Variants in DNMT1 observed in about 807,000 individuals in gnomAD.
DNMT1 encodes DNA methyltransferase 1, also known as DNA (cytosine-5)-methyltransferase 1.
A neutral mutation model predicts 205.3 loss-of-function variants in DNMT1; 24 were observed. That is an observed-to-expected ratio of 0.12 (90% CI 0.08 to 0.16). The LOEUF is 0.16. Among genes scored for constraint, DNMT1 ranks in the 10% least tolerant of loss-of-function variants. DNMT1 has a pLI of 1.00. For synonymous variants in DNMT1, 817 were observed against 839.8 expected (o/e 0.97, Z 0.47); for missense variants, 1,293 against 2,177.7 (o/e 0.59, Z 8.09).
Position 10,138,138 on chromosome 19 carries a change from G to A in DNMT1, c.4116-129C>T. 2.4e-6 allele frequency: 3 copies of A among 1,227,086 alleles called. No homozygotes were observed. The highest frequency in any genetic ancestry group is 2.3e-6 in the Non-Finnish European group (2 of 867,870). 76.0% of individuals were successfully genotyped at this position (1,227,086 alleles called of 1,614,324 possible). ...CACAGCACTGCCCGAGGTCACATGG[G>A]TGGCAGTGTGCCTGGATGCCATCTG... On this transcript the variant is annotated intron_variant, in intron 35 of 40. Coordinates refer to ENST00000359526, the MANE Select transcript of DNMT1 (RefSeq NM_001130823.3). The surrounding 1 kb of genome is among the most constrained non-coding windows in gnomAD (Gnocchi z 4.1).
intron 2 of DNMT1, among the ~76,000 whole-genome samples, chr19:10,181,365 C>G (rs1421053151): frequency 2.0e-5 from 3 of 150,880 alleles, no homozygotes; most frequent in Non-Finnish European, 4.4e-5. Context: ...GGGAAAATCA[C>G]TTGAGCCTGG....
intron 1 of DNMT1, among the ~76,000 whole-genome samples, chr19:10,185,161 C>T (rs1197543636): frequency 6.6e-6 from 1 of 152,150 alleles, no homozygotes; most frequent in African/African-American, 2.4e-5. Context: ...CACGGTGGCT[C>T]ACGCCTGTAA....
At position 10,138,442 on chromosome 19, in the gene DNMT1, G is replaced by T. The variant is rs2089535931; in HGVS notation, c.4112C>A (p.Thr1371Asn). 1 of 1,613,986 alleles carries T rather than the reference G, an allele frequency of 6.2e-7. No individual in the cohort carries two copies. The highest frequency in any genetic ancestry group is 1.1e-5 in the South Asian group (1 of 91,092). Residue 1371 changes from threonine (T) to asparagine (N), a missense_variant, in exon 35 of 41, where the codon ACC (threonine) becomes AAC (asparagine). Thr to Asn is a moderately conservative substitution (Grantham distance 65, BLOSUM62 0). This residue lies in a region of DNMT1 where 148 missense variants were observed against 256.1 expected (regional missense o/e 0.58). Coordinates refer to ENST00000359526, the MANE Select transcript of DNMT1 (RefSeq NM_001130823.3). This position sits in a 1 kb window ranked among gnomAD's most constrained non-coding sequence, Gnocchi z 4.1. ...VDDKKFVSNI[T>N]RLSSGPFRTI... ...AGGAGCGACGGGGGCCACCTACCTG[G>T]TTATGTTGCTCACAAACTTCTTGTC...
chr19:10,164,718 A>T (rs1465098699), intron 11 of DNMT1, among the ~76,000 whole-genome samples: 1 of 151,820 alleles, frequency 6.6e-6, no homozygotes, highest in Non-Finnish European at 1.5e-5. Flanking sequence ...GTTTGAGATC[A>T]GGAGTTAGAG....
chr19:10,158,039 G>A (rs1021116105), intron 17 of DNMT1, among the ~76,000 whole-genome samples: 10 of 152,204 alleles, frequency 6.6e-5, no homozygotes, highest in African/African-American at 2.4e-4. Context: ...GAAGGCATGT[G>A]ACTTCTGGAA....
chr19:10,139,416 T>C (rs1021406725), intron 34 of DNMT1, among the ~76,000 whole-genome samples: 4 of 152,208 alleles, frequency 2.6e-5, no homozygotes, highest in African/African-American at 9.6e-5. Context: ...AGGAGCTGCA[T>C]GGCGAGAAGC....
At chr19:10,174,596 A>G (rs911068861) in intron 7 of DNMT1, among the ~76,000 whole-genome samples, 1 of 151,926 alleles carries the variant, frequency 6.6e-6, no homozygotes, top group Non-Finnish European at 1.5e-5. Flanking sequence ...AGTCTCAGCT[A>G]CTCAGGAAGC....
intron 27 of DNMT1, 34 bp downstream of exon 27, chr19:10,148,850 G>T (rs764958436): frequency 6.2e-7 from 1 of 1,613,872 alleles, no homozygotes; most frequent in Non-Finnish European, 8.5e-7. Context: ...GGCTGAAAGT[G>T]CCTGCTGACC....
rs373861581 is a variant in DNMT1, at chr19:10,162,730, G to A, written c.945C>T (p.Pro315=). Residue 315 remains proline (P), a synonymous_variant, in exon 13 of 41, where the codon CCC becomes CCT. Transcript: ENST00000359526. The part of the protein sequence containing the change: ...QPKDLAAKRR[P]EEKEPEKVNP... ...TTACTTTTTCAGGTTCTTTTTCTTC[G>A]GGCCTCCGTTTGGCAGCTCTGCAGG... is the stretch of plus-strand genomic sequence containing the variant. 9.3e-6 allele frequency: 15 copies of A among 1,613,062 alleles called. No individual in the cohort carries two copies. The highest frequency in any genetic ancestry group is 3.3e-4 in the Middle Eastern group (2 of 6,080).
At chr19:10,155,189 T>C (rs1021958525) in intron 19 of DNMT1, 133 bp from the exon 20 acceptor site, 21 of 1,238,566 alleles carry the variant, frequency 1.7e-5, no homozygotes, top group South Asian at 2.8e-5. Flanking sequence ...GTCAGAAACA[T>C]AGGGCACAAC....
intron 5 of DNMT1, among the ~76,000 whole-genome samples, chr19:10,179,010 T>A (rs2038988636): frequency 6.7e-6 from 1 of 149,174 alleles, no homozygotes; most frequent in Non-Finnish European, 1.5e-5. Flanking sequence ...GCGCCTGTAG[T>A]CCCAGCTACT....
chr19:10,173,164 GTCTAGCAAC>G lies in DNMT1; in HGVS notation c.685_693del (p.Val229_Arg231del). The G allele has an allele frequency of 6.2e-7, 1 of 1,614,096 alleles. No individual in the cohort carries two copies. Among genetic ancestry groups the G allele is most frequent in the South Asian group, 1.1e-5 (1 of 91,072 alleles). On this transcript the variant is annotated inframe_deletion and splice_region_variant, in exon 9 of 41. Coordinates refer to ENST00000359526, the MANE Select transcript of DNMT1 (RefSeq NM_001130823.3). The stretch of plus-strand genomic sequence containing the variant: ...CTTTCAGGTTCTTCTGCAGGAAGCG[GTCTAGCAAC>G]TCTGTCAAGCAAAATAACACAGACC...
chr19:10,153,933 G>C (rs927702478), intron 22 of DNMT1, among the ~76,000 whole-genome samples: 1 of 152,176 alleles, frequency 6.6e-6, no homozygotes, highest in Non-Finnish European at 1.5e-5. Context: ...CGCCTCCTGA[G>C]GGCCTCAAAT....
rs181029572 is a variant in DNMT1 at position 10,142,481 on chromosome 19, T to A, written c.3117-261A>T. On this transcript the variant is annotated intron_variant, in intron 29 of 40. Coordinates refer to ENST00000359526, the MANE Select transcript of DNMT1 (RefSeq NM_001130823.3). Reference sequence around the variant, plus strand: ...CCCCCCTAGTTAGGGAACCACAGGGTAAAGATCCCCCAAGTTAGGGAATCG... The same window carrying A: ...CCCCCCTAGTTAGGGAACCACAGGGAAAAGATCCCCCAAGTTAGGGAATCG... Among the ~76,000 whole-genome samples the A allele has an allele frequency of 7.0e-5, 9 of 128,704 alleles. No individual in the cohort carries two copies. The East Asian group carries it at 1.9e-3, about 27-fold the overall frequency. The allele number at this position is 128,704 out of a possible 152,430, so 84.4% of individuals were successfully genotyped here.
At chr19:10,172,384 C>G (rs1450884279) in intron 9 of DNMT1, among the ~76,000 whole-genome samples, 1 of 121,754 alleles carries the variant, frequency 8.2e-6, no homozygotes, top group East Asian at 2.5e-4. Context: ...CCAGCCTGGG[C>G]AACAGAGCAA....
chr19:10,139,534 T>TG, intron 34 of DNMT1, 142 bp downstream of exon 34: 5 of 1,406,354 alleles, frequency 3.6e-6, no homozygotes, highest in Non-Finnish European at 4.8e-6. Flanking sequence ...ACTCCGCCAG[T>TG]GGGACAGAGC....
intron 12 of DNMT1, 170 bp from the exon 13 acceptor site, chr19:10,162,918 C>T (rs190859618): frequency 6.1e-5 from 42 of 690,868 alleles, no homozygotes; most frequent in Non-Finnish European, 1.0e-4. Context: ...CTTCAGAGGC[C>T]CCAGGGTCCC....
Position 10,139,794 on chromosome 19 carries a change from C to A in DNMT1, c.3830G>T (p.Arg1277Leu), listed in dbSNP as rs774073234. 1 of 1,592,336 alleles carries A rather than the reference C, an allele frequency of 6.3e-7. No individual in the cohort carries two copies. Among genetic ancestry groups the A allele is most frequent in the Non-Finnish European group, 8.5e-7 (1 of 1,169,824 alleles). The stretch of plus-strand genomic sequence containing the variant: ...CCTGACATTCTCCAGGAGGAAGAAC[C>A]GGGGCCGGTAGTAGTCGCAGTAGCT... Reference protein sequence around the residue: ...FLSYCDYYRPRFFLLENVRNF... With the variant: ...FLSYCDYYRPLFFLLENVRNF... Residue 1277 changes from arginine (R) to leucine (L), a missense_variant, in exon 34 of 41, where the codon CGG becomes CTG. This residue lies in a region of DNMT1 where 38 missense variants were observed against 141.1 expected (regional missense o/e 0.27). Transcript: ENST00000359526.
At position 10,142,119 on chromosome 19, in the gene DNMT1, T is replaced by C; in HGVS notation, c.3218A>G (p.Gln1073Arg). Residue 1073 changes from glutamine to arginine, a missense_variant, in exon 30 of 41, where the codon CAG becomes CGG. This residue lies in a region of DNMT1 where 167 missense variants were observed against 258.1 expected (regional missense o/e 0.65). Coordinates refer to ENST00000359526, the MANE Select transcript of DNMT1 (RefSeq NM_001130823.3). ...EEAVVDFKAVQGRCTVEYGED... is the reference protein window; with the variant it reads ...EEAVVDFKAVRGRCTVEYGED... ...CCCATACTCCACGGTGCAGCGGCCC[T>C]GCACAGCCTTGAAGTCCACCACGGC... 1.2e-6 allele frequency: 2 copies of C among 1,613,958 alleles called. No individual in the cohort carries two copies. The highest frequency in any genetic ancestry group is 1.7e-6 in the Non-Finnish European group (2 of 1,179,984).
Sources: allele counts gnomAD v4.1 joint callset (sites outside exome capture counted in the v4.1 genomes callset), GRCh38; gene constraint gnomAD v4.1.1; regional missense constraint gnomAD v4.1.1; non-coding constraint Gnocchi (gnomAD v3.1); transcripts MANE v1.5; gene names NCBI Gene and HGNC (gene_info 2026-07-23, HGNC 2026-07-21).